Variants in GRIP1 observed in about 807,000 individuals in gnomAD.
The protein encoded by GRIP1 is glutamate receptor interacting protein 1.
Under a neutral mutation model 129.9 loss-of-function variants are expected in GRIP1, and 45 were observed. That is an observed-to-expected ratio of 0.35 (90% CI 0.27 to 0.44). The LOEUF (loss-of-function observed/expected upper bound fraction) is 0.44. Ranked by LOEUF, GRIP1 falls within the 20% of genes least tolerant of loss-of-function variation. The pLI is 1.00. For synonymous variants in GRIP1, 530 were observed against 520.8 expected (o/e 1.02, Z -0.24); for missense variants, 1,196 against 1,396.8 (o/e 0.86, Z 2.29).
intron 13 of GRIP1, 34 bp downstream of exon 13, chr12:66,444,550 C>A: frequency 7.0e-7 from 1 of 1,425,640 alleles, no homozygotes; most frequent in South Asian, 1.1e-5. Flanking sequence ...ATATAACTCA[C>A]ATGCAGTCCA....
rs1294709852 is a variant in GRIP1, at chr12:66,347,730, TA to T, written c.*1288del. 1.3e-5 allele frequency: 2 copies of T among 148,826 alleles called. No homozygotes were observed. The highest frequency in any genetic ancestry group is 4.0e-4 in the East Asian group (2 of 5,060). The allele number at this position is 148,826 out of a possible 1,614,324, so 9.2% of individuals were successfully genotyped here. A position where few individuals can be genotyped will look rare whatever the true frequency, so the allele number is the denominator to read the frequency against. ...CGGTTCTGAAATGTGATTGAAATAA[TA>T]TTTTTTTTGCACAAAAAGAAAGGTG... On this transcript the variant is annotated 3_prime_UTR_variant, in exon 25 of 25. Coordinates refer to ENST00000359742, the MANE Select transcript of GRIP1 (RefSeq NM_001366722.1).
In GRIP1 at chr12:66,479,428, T is replaced by C. The variant is rs543077440; in HGVS notation, c.725-14006A>G. Among the ~76,000 whole-genome samples the C allele has an allele frequency of 2.4e-3, 362 of 152,222 alleles. 3 individuals carry two copies. The highest frequency in any genetic ancestry group is 8.3e-3 in the African/African-American group (344 of 41,536). ...GTTCTGAAATTGAGGCAGTAATTAATAGTCTACCAACCAAAAAAAAGCCCA... is the reference window on the plus strand; with the variant it reads ...GTTCTGAAATTGAGGCAGTAATTAACAGTCTACCAACCAAAAAAAAGCCCA... On this transcript the variant is annotated intron_variant, in intron 7 of 24. Transcript: ENST00000359742.
intron 1 of GRIP1, among the ~76,000 whole-genome samples, chr12:66,759,826 G>C (rs1272293689): frequency 6.6e-6 from 1 of 151,390 alleles, no homozygotes; most frequent in African/African-American, 2.4e-5. Flanking sequence ...AACCACCTCA[G>C]CTTGGACCTT....
Position 66,715,452 on chromosome 12 carries a change from A to ATGTGTGTGTGTGTGTGTGTGTG in GRIP1, c.-419-85117_-419-85116insCACACACACACACACACACACA, listed in dbSNP as rs36142878. Among the ~76,000 whole-genome samples the ATGTGTGTGTGTGTGTGTGTGTG allele has an allele frequency of 2.8e-3, 202 of 72,994 alleles. 8 individuals carry two copies. The highest frequency in any genetic ancestry group is 6.8e-3 in the African/African-American group (118 of 17,414). 47.9% of individuals were successfully genotyped at this position (72,994 alleles called of 152,430 possible). A position where few individuals can be genotyped will look rare whatever the true frequency, so the allele number is the denominator to read the frequency against. ...TGCCACAGCAATGAATTGTAGCTTG[A>ATGTGTGTGTGTGTGTGTGTGTG]TGTGTGTGTGTGTGTGTGTGAGAGA... On this transcript the variant is annotated intron_variant, in intron 1 of 4. Coordinates refer to the GRIP1 transcript ENST00000538373.
rs12320075 is a variant in GRIP1 at position 66,814,126 on chromosome 12, T to C, written c.59-217199A>G. Among the ~76,000 whole-genome samples, 1,313 of 151,864 alleles carry C rather than the reference T, an allele frequency of 8.6e-3. 17 individuals carry two copies. Among genetic ancestry groups the C allele is most frequent in the African/African-American group, 0.03 (1,265 of 41,480 alleles). ...GTTATAAATTTTATATATAGTTACA[T>C]ACTTTATATATAGTTATAAATCTAT... On this transcript the variant is annotated intron_variant, in intron 1 of 1. Transcript: ENST00000643019.
chr12:67,067,297 A>C (rs1195690463), intron 1 of GRIP1, among the ~76,000 whole-genome samples: 1 of 152,146 alleles, frequency 6.6e-6, no homozygotes, highest in African/African-American at 2.4e-5. Flanking sequence ...TGACAATCCA[A>C]AAATCTACCC....
intron 1 of GRIP1, among the ~76,000 whole-genome samples, chr12:67,054,714 A>G (rs1157009603): frequency 6.6e-6 from 1 of 151,988 alleles, no homozygotes; most frequent in African/African-American, 2.4e-5. Context: ...CAGTGAGCCA[A>G]GATTGCACCA....
In GRIP1 at chr12:66,392,450, G is replaced by T. The variant is rs2056627661; in HGVS notation, c.2322C>A (p.Asp774Glu). The change falls in exon 19 of 25, where the codon GAC becomes GAA. Residue 774 changes from aspartate (D) to glutamate (E), a missense_variant. Physicochemically the swap from Asp to Glu is conservative, Grantham distance 45. This residue lies in a region of GRIP1 where 427 missense variants were observed against 463.3 expected (regional missense o/e 0.92). Transcript: ENST00000359742. ...AGGAGTCCTCCTCCACATCCCCCAG[G>T]TCACTCAAATGGCTAGAAATAGGGA... is the stretch of plus-strand genomic sequence containing the variant. ...KKFPISSHLSDLGDVEEDSSP... is the reference protein window; with the variant it reads ...KKFPISSHLSELGDVEEDSSP... 1 of 1,614,134 alleles carries T rather than the reference G, an allele frequency of 6.2e-7. No homozygotes were observed. The highest frequency in any genetic ancestry group is 2.2e-5 in the East Asian group (1 of 44,880).
intron 22 of GRIP1, among the ~76,000 whole-genome samples, chr12:66,373,516 G>A (rs1353723564): frequency 1.3e-5 from 2 of 152,204 alleles, no homozygotes; most frequent in African/African-American, 4.8e-5. Context: ...TGCAAAGTGA[G>A]TAGAGTTTTC....
At chr12:66,911,074 T>C (rs934910573) in intron 1 of GRIP1, among the ~76,000 whole-genome samples, 7 of 152,250 alleles carry the variant, frequency 4.6e-5, no homozygotes, top group Non-Finnish European at 1.0e-4. Flanking sequence ...TATATGGTTG[T>C]TACCCTCAAG....
At chr12:66,981,986 A>G (rs2042247749) in intron 1 of GRIP1, among the ~76,000 whole-genome samples, 1 of 152,208 alleles carries the variant, frequency 6.6e-6, no homozygotes, top group Non-Finnish European at 1.5e-5. Context: ...GAGGAAACTG[A>G]ATTCTAGTTG....
At chr12:66,990,748 A>C (rs2042381781) in intron 1 of GRIP1, among the ~76,000 whole-genome samples, 1 of 152,148 alleles carries the variant, frequency 6.6e-6, no homozygotes. Flanking sequence ...TAATCCCAGC[A>C]CTTTAGGAGG....
chr12:66,501,468 A>T (rs2060391310), intron 7 of GRIP1, among the ~76,000 whole-genome samples: 1 of 152,194 alleles, frequency 6.6e-6, no homozygotes, highest in African/African-American at 2.4e-5. Context: ...CATTTTATTA[A>T]GAGGAATGTA....
At chr12:66,731,854 A>G (rs960703537) in intron 1 of GRIP1, among the ~76,000 whole-genome samples, 8 of 152,218 alleles carry the variant, frequency 5.3e-5, no homozygotes, top group African/African-American at 1.9e-4. Context: ...GGCTAACAAT[A>G]GAGGCAGGGC....
At chr12:66,856,266 A>C (rs1221560549) in intron 1 of GRIP1, among the ~76,000 whole-genome samples, 1 of 152,120 alleles carries the variant, frequency 6.6e-6, no homozygotes, top group East Asian at 1.9e-4. Flanking sequence ...AACCATAAAA[A>C]CCCTAAAAGA....
chr12:66,858,319 A>C (rs2137105847), intron 1 of GRIP1, among the ~76,000 whole-genome samples: 1 of 152,016 alleles, frequency 6.6e-6, no homozygotes, highest in African/African-American at 2.4e-5. Context: ...GCTTCTTTGC[A>C]AGAATTTACT....
rs553519273 is a variant in GRIP1, at chr12:66,943,470, A to G, written c.58+125580T>C. Among the ~76,000 whole-genome samples the G allele has an allele frequency of 3.9e-4, 60 of 152,372 alleles. 1 individual carries two copies. In the South Asian group the frequency reaches 0.012, roughly 31 times the overall value. On this transcript the variant is annotated intron_variant, in intron 1 of 1. Coordinates refer to the GRIP1 transcript ENST00000643019. ...TTAATTTCTTTCTATTTAAATGGATATAGGCATTAAAGACATCCTTATTTA... is the reference window on the plus strand; with the variant it reads ...TTAATTTCTTTCTATTTAAATGGATGTAGGCATTAAAGACATCCTTATTTA...
chr12:67,010,031 G>A (rs2042681707), intron 1 of GRIP1, among the ~76,000 whole-genome samples: 1 of 152,124 alleles, frequency 6.6e-6, no homozygotes, highest in African/African-American at 2.4e-5. Context: ...TATCCTAAGA[G>A]GGTGTTTCTT....
At chr12:66,836,310 G>C (rs772137641) in intron 1 of GRIP1, among the ~76,000 whole-genome samples, 6 of 152,130 alleles carry the variant, frequency 3.9e-5, no homozygotes, top group African/African-American at 1.4e-4. Context: ...CCCTCAAGAA[G>C]ATGCCTGCTT....
Sources: allele counts gnomAD v4.1 joint callset (sites outside exome capture counted in the v4.1 genomes callset), GRCh38; gene constraint gnomAD v4.1.1; regional missense constraint gnomAD v4.1.1; transcripts MANE v1.5; gene names NCBI Gene and HGNC (gene_info 2026-07-23, HGNC 2026-07-21).